PCDHGA3: variants seen among roughly 807,000 people sequenced by gnomAD.
PCDHGA3 encodes the protein protocadherin gamma-A3.
In PCDHGA3, 40 loss-of-function variants were observed where a neutral mutation model predicts 58.5. The observed-to-expected ratio is 0.68, with a 90% CI of 0.53 to 0.89. The LOEUF (loss-of-function observed/expected upper bound fraction) is 0.89, where lower values mean the gene tolerates loss of function less well. Among genes scored for constraint, PCDHGA3 ranks in the 40% least tolerant of loss-of-function variants. PCDHGA3 has a pLI of 0.00. For missense variants in PCDHGA3, 1,223 were observed against 1,195.9 expected (o/e 1.02, Z -0.33); for synonymous variants, 530 against 525.7 (o/e 1.01, Z -0.11).
intron 1 of PCDHGA3, among the ~76,000 whole-genome samples, chr5:141,382,313 T>G (rs1490254305): frequency 1.3e-5 from 2 of 152,226 alleles, no homozygotes; most frequent in African/African-American, 4.8e-5. Flanking sequence ...TTATATACAC[T>G]GATGTAAATA....
intron 3 of PCDHGA3, 46 bp downstream of exon 3, chr5:141,505,527 T>C: frequency 6.2e-7 from 1 of 1,612,388 alleles, no homozygotes; most frequent in Non-Finnish European, 8.5e-7. Context: ...GACCTGGGGT[T>C]CTGGGGTGCA....
chr5:141,345,018 T>C lies in PCDHGA3; in HGVS notation c.985T>C (p.Ser329Pro), dbSNP rs1360482525. Reference sequence around the variant, plus strand: ...AGCACAGGATGGACCAGGTCTTCTTTCAAGAGCCAAGATTCTAGTCACGGT... The same window carrying C: ...AGCACAGGATGGACCAGGTCTTCTTCCAAGAGCCAAGATTCTAGTCACGGT... ...IEAQDGPGLL[S>P]RAKILVTVLD... The change falls in exon 1 of 4, where the codon TCA (serine) becomes CCA (proline). Residue 329 changes from serine to proline, a missense_variant. Ser to Pro is a moderately conservative substitution (Grantham distance 74). Around this residue, in one of 3 missense-constraint regions of PCDHGA3, gnomAD observed 791 missense variants for 708.5 expected, o/e 1.12. Coordinates refer to ENST00000253812, the MANE Select transcript of PCDHGA3 (RefSeq NM_018916.4). The C allele has an allele frequency of 1.2e-6, 2 of 1,613,900 alleles. No homozygotes were observed. The highest frequency in any genetic ancestry group is 1.7e-6 in the Non-Finnish European group (2 of 1,179,900).
rs760333566 is a variant in PCDHGA3, at chr5:141,345,786, G to A, written c.1753G>A (p.Gly585Ser). ...VELAPRSAEP[G>S]YLVTKVVAVD... Reference sequence around the variant, plus strand: ...GCTGGCGCCTCGCTCCGCAGAGCCCGGCTACCTGGTGACCAAGGTGGTGGC... The same window carrying A: ...GCTGGCGCCTCGCTCCGCAGAGCCCAGCTACCTGGTGACCAAGGTGGTGGC... Residue 585 changes from glycine to serine, a missense_variant, in exon 1 of 4, where the codon GGC (glycine) becomes AGC (serine). Gly to Ser is a moderately conservative substitution (Grantham distance 56). Coordinates refer to ENST00000253812, the MANE Select transcript of PCDHGA3 (RefSeq NM_018916.4). 5.0e-6 allele frequency: 8 copies of A among 1,613,976 alleles called. No individual in the cohort carries two copies. The highest frequency in any genetic ancestry group is 2.7e-5 in the African/African-American group (2 of 74,928).
chr5:141,421,374 C>G, intron 1 of PCDHGA3: 1 of 1,614,062 alleles, frequency 6.2e-7, no homozygotes, highest in Non-Finnish European at 8.5e-7. Context: ...TGGGCAATAT[C>G]TCCAAGGACC....
chr5:141,375,655 G>C (rs117560542), intron 1 of PCDHGA3: 2 of 1,614,128 alleles, frequency 1.2e-6, no homozygotes, highest in African/African-American at 2.7e-5. Context: ...ACTATGAGCA[G>C]TTGAGAGACC....
At chr5:141,435,805 T>C (rs2097780946) in intron 1 of PCDHGA3, among the ~76,000 whole-genome samples, 1 of 152,178 alleles carries the variant, frequency 6.6e-6, no homozygotes, top group African/African-American at 2.4e-5. Flanking sequence ...GTCCCAATTA[T>C]TTTTTCTTTC....
chr5:141,344,061 G>A lies in PCDHGA3; in HGVS notation c.28G>A (p.Gly10Ser). 6.4e-7 allele frequency: 1 copy of A among 1,568,532 alleles called. No homozygotes were observed. MTNCLSFRNGRGLALLCALL... is the reference protein window; with the variant it reads MTNCLSFRNSRGLALLCALL... ...GACCAATTGCCTGAGTTTCCGAAATGGCAGAGGACTGGCCCTGCTGTGCGC... is the reference window on the plus strand; with the variant it reads ...GACCAATTGCCTGAGTTTCCGAAATAGCAGAGGACTGGCCCTGCTGTGCGC... The change falls in exon 1 of 4, where the codon GGC becomes AGC. Residue 10 changes from glycine (G) to serine (S), a missense_variant. Gly to Ser is a moderately conservative substitution (Grantham distance 56). Coordinates refer to ENST00000253812, the MANE Select transcript of PCDHGA3 (RefSeq NM_018916.4).
intron 1 of PCDHGA3, chr5:141,395,121 T>G (rs773964445): frequency 1.2e-6 from 2 of 1,614,192 alleles, no homozygotes; most frequent in Admixed American, 3.3e-5. Context: ...TCACCTGATC[T>G]TTCCCCAGCC....
At chr5:141,410,523 A>G (rs2095403267) in intron 1 of PCDHGA3, 3 of 1,613,800 alleles carry the variant, frequency 1.9e-6, no homozygotes, top group South Asian at 2.2e-5. Flanking sequence ...GTGCCCCTAC[A>G]TTCCAATGAA....
intron 1 of PCDHGA3, among the ~76,000 whole-genome samples, chr5:141,450,829 A>AT (rs373424450): frequency 7.2e-4 from 97 of 135,128 alleles, no homozygotes; most frequent in East Asian, 1.8e-3. Flanking sequence ...TATTATTATT[A>AT]TTTTTTTTTT....
At chr5:141,388,290 A>T (rs1299323228) in intron 1 of PCDHGA3, 1 of 1,613,388 alleles carries the variant, frequency 6.2e-7, no homozygotes, top group Non-Finnish European at 8.5e-7. Flanking sequence ...ATTCACGCAA[A>T]ATTCCTTTGA....
In PCDHGA3 at chr5:141,485,778, G is replaced by A. The variant is rs575586552; in HGVS notation, c.2425-9029G>A. On this transcript the variant is annotated intron_variant, in intron 1 of 3. Coordinates refer to ENST00000253812, the MANE Select transcript of PCDHGA3 (RefSeq NM_018916.4). The surrounding 1 kb of genome is among the most constrained non-coding windows in gnomAD (Gnocchi z 5.7). ...CTGCTCCTGGAGAAGCCTTTGGATC[G>A]AGAGAAGCAATCGGACTACCGCCTG... is the stretch of plus-strand genomic sequence containing the variant. The A allele has an allele frequency of 1.2e-6, 2 of 1,614,216 alleles. No individual in the cohort carries two copies. Among genetic ancestry groups the A allele is most frequent in the Admixed American group, 1.7e-5 (1 of 60,028 alleles).
chr5:141,345,823 A>T lies in PCDHGA3; in HGVS notation c.1790A>T (p.Asp597Val). The change falls in exon 1 of 4, where the codon GAC (aspartate) becomes GTC (valine). Residue 597 changes from aspartate to valine, a missense_variant. Around this residue, in one of 3 missense-constraint regions of PCDHGA3, gnomAD observed 107 missense variants for 159.8 expected, o/e 0.67. Transcript: ENST00000253812. ...LVTKVVAVDRDSGQNAWLSYR... is the reference protein window; with the variant it reads ...LVTKVVAVDRVSGQNAWLSYR... ...ACCAAGGTGGTGGCGGTGGACAGAG[A>T]CTCGGGCCAGAACGCCTGGCTGTCC... 3 of 1,612,304 alleles carry T rather than the reference A, an allele frequency of 1.9e-6. No individual in the cohort carries two copies. Among genetic ancestry groups the T allele is most frequent in the Non-Finnish European group, 2.5e-6 (3 of 1,179,894 alleles).
At chr5:141,503,010 A>AT (rs199924715) in intron 2 of PCDHGA3, among the ~76,000 whole-genome samples, 26,593 of 146,658 alleles carry the variant, frequency 0.18, 2,532 homozygotes, top group Admixed American at 0.29. Context: ...TGCCCGGTTA[A>AT]TTTTTTTTTT....
Position 141,344,021 on chromosome 5 carries a change from C to G in PCDHGA3, c.-13C>G. 1 of 1,520,128 alleles carries G rather than the reference C, an allele frequency of 6.6e-7. No individual in the cohort carries two copies. The highest frequency in any genetic ancestry group is 8.8e-7 in the Non-Finnish European group (1 of 1,136,124). The allele number at this position is 1,520,128 out of a possible 1,614,324, so 94.2% of individuals were successfully genotyped here. A position where few individuals can be genotyped will look rare whatever the true frequency, so the allele number is the denominator to read the frequency against. On this transcript the variant is annotated 5_prime_UTR_variant, in exon 1 of 4. Coordinates refer to ENST00000253812, the MANE Select transcript of PCDHGA3 (RefSeq NM_018916.4). Reference sequence around the variant, plus strand: ...GGAACCGAATTCAGAGAAAGCGATTCACCGAAAAGGAAATGACCAATTGCC... The same window carrying G: ...GGAACCGAATTCAGAGAAAGCGATTGACCGAAAAGGAAATGACCAATTGCC...
rs1188870363 is a variant in PCDHGA3 at position 141,490,058 on chromosome 5, C to A, written c.2425-4749C>A. 16 of 1,614,230 alleles carry A rather than the reference C, an allele frequency of 9.9e-6. No individual in the cohort carries two copies. In the East Asian group the frequency reaches 3.6e-4, roughly 36 times the overall value. The stretch of plus-strand genomic sequence containing the variant: ...AATGCCACTGATCCAGACGAGGGCA[C>A]CAACGGCCAACTAGACTATTCTTTT... On this transcript the variant is annotated intron_variant, in intron 1 of 3. Coordinates refer to ENST00000253812, the MANE Select transcript of PCDHGA3 (RefSeq NM_018916.4). This position sits in a 1 kb window ranked among gnomAD's most constrained non-coding sequence, Gnocchi z 5.4.
chr5:141,361,548 C>T (rs374369531), intron 1 of PCDHGA3: 4 of 1,614,094 alleles, frequency 2.5e-6, no homozygotes, highest in African/African-American at 1.3e-5. Context: ...GCGCCTCTAT[C>T]GCTCAAATCA....
chr5:141,423,671 T>C (rs773279181), intron 1 of PCDHGA3: 7 of 1,550,720 alleles, frequency 4.5e-6, no homozygotes, highest in Non-Finnish European at 5.2e-6. Context: ...GTGAGATTTA[T>C]TTCTCTGCCT....
intron 1 of PCDHGA3, among the ~76,000 whole-genome samples, chr5:141,382,340 T>G (rs535677710): frequency 3.4e-4 from 52 of 152,358 alleles, no homozygotes; most frequent in Middle Eastern, 3.4e-3. Context: ...AAGTAAAATC[T>G]TTCATATGTA....
Sources: allele counts gnomAD v4.1 joint callset (sites outside exome capture counted in the v4.1 genomes callset), GRCh38; gene constraint gnomAD v4.1.1; regional missense constraint gnomAD v4.1.1; non-coding constraint Gnocchi (gnomAD v3.1); transcripts MANE v1.5; gene names NCBI Gene and HGNC (gene_info 2026-07-23, HGNC 2026-07-21).